Variants in RNF24 observed in about 807,000 individuals in gnomAD.
The protein encoded by RNF24 is ring finger protein 24.
RNF24 carries 14 observed loss-of-function variants against 20.0 expected under a neutral mutation model. The ratio of observed to expected loss-of-function variants is 0.70; its 90% CI spans 0.46 to 1.10. The LOEUF (loss-of-function observed/expected upper bound fraction) is 1.10. RNF24 is among the 50% of genes least tolerant of loss of function. RNF24 has a pLI of 0.00. For synonymous variants in RNF24, 45 were observed against 61.1 expected (o/e 0.74, Z 1.23); for missense variants, 124 against 177.6 (o/e 0.70, Z 1.71).
At position 3,931,484 on chromosome 20, in the gene RNF24, TTGTC is replaced by T. The variant is rs1304281349; in HGVS notation, c.*2575_*2578del. ...GGAGGATGTAAATTAAAAGGCCTGT[TTGTC>T]TGTACAGCAATGCAGATGCGCAGGC... On this transcript the variant is annotated 3_prime_UTR_variant, in exon 6 of 6. Transcript: ENST00000358395. 22 of 152,220 alleles carry T rather than the reference TTGTC, an allele frequency of 1.4e-4. No individual in the cohort carries two copies. The highest frequency in any genetic ancestry group is 5.1e-4 in the African/African-American group (21 of 41,450). The allele number at this position is 152,220 out of a possible 1,614,324, so 9.4% of individuals were successfully genotyped here.
chr20:3,951,540 T>C (rs1357283785), intron 2 of RNF24, among the ~76,000 whole-genome samples: 3 of 152,230 alleles, frequency 2.0e-5, no homozygotes, highest in Non-Finnish European at 4.4e-5. Flanking sequence ...GGTGGTTTTG[T>C]AGTTCTCTAA....
At chr20:3,973,476 C>G (rs1439297522) in intron 1 of RNF24, among the ~76,000 whole-genome samples, 2 of 115,710 alleles carry the variant, frequency 1.7e-5, no homozygotes, top group Admixed American at 2.2e-4. Flanking sequence ...ATCAGTAACA[C>G]TGACAAATCT....
At position 3,937,302 on chromosome 20, in the gene RNF24, T is replaced by A. The variant is rs138047280; in HGVS notation, c.229-2229A>T. ...CAAAAAGAGAAAAGCCTCAGATGAC[T>A]TCCTAGAAGCTCCCTAAGAGCCAAA... is the stretch of plus-strand genomic sequence containing the variant. On this transcript the variant is annotated intron_variant, in intron 4 of 5. Coordinates refer to ENST00000358395, the MANE Select transcript of RNF24 (RefSeq NM_001134337.3). Among the ~76,000 whole-genome samples, 282 of 152,308 alleles carry A rather than the reference T, an allele frequency of 1.9e-3. 2 individuals carry two copies. Among genetic ancestry groups the A allele is most frequent in the African/African-American group, 6.5e-3 (271 of 41,566 alleles).
At chr20:3,983,773 T>TATTAA (rs1568650308) in intron 1 of RNF24, among the ~76,000 whole-genome samples, 13 of 151,632 alleles carry the variant, frequency 8.6e-5, no homozygotes, top group Admixed American at 3.3e-4. Flanking sequence ...AAACCCTATC[T>TATTAA]CTATTAAAAA....
intron 4 of RNF24, among the ~76,000 whole-genome samples, chr20:3,938,844 T>G (rs1270949409): frequency 6.6e-6 from 1 of 152,004 alleles, no homozygotes; most frequent in Non-Finnish European, 1.5e-5. Context: ...TCTCAAGCAA[T>G]CCTCCAGCTC....
rs182147435 is a variant in RNF24 at position 3,986,884 on chromosome 20, C to T, written c.-7-22860G>A. Among the ~76,000 whole-genome samples the T allele has an allele frequency of 1.3e-4, 20 of 152,130 alleles. No homozygotes were observed. The South Asian group carries it at 1.7e-3, about 13-fold the overall frequency. Reference sequence around the variant, plus strand: ...CAGGATGGTCTTGATCTCCTGATCTCGTGATCCGCCCACCTTGGCCTTTTT... The same window carrying T: ...CAGGATGGTCTTGATCTCCTGATCTTGTGATCCGCCCACCTTGGCCTTTTT... On this transcript the variant is annotated intron_variant, in intron 1 of 5. Coordinates refer to ENST00000358395, the MANE Select transcript of RNF24 (RefSeq NM_001134337.3).
intron 1 of RNF24, among the ~76,000 whole-genome samples, chr20:4,003,130 C>T (rs761532019): frequency 5.3e-5 from 8 of 152,048 alleles, no homozygotes; most frequent in East Asian, 1.9e-4. Context: ...CCACGGCGCC[C>T]GGCTAATTTT....
At chr20:3,949,040 C>A (rs1415151997) in intron 2 of RNF24, among the ~76,000 whole-genome samples, 1 of 152,076 alleles carries the variant, frequency 6.6e-6, no homozygotes, top group African/African-American at 2.4e-5. Flanking sequence ...CATATATACT[C>A]ATTTCTGTTA....
chr20:3,982,103 G>GTCTCTCTCTCTCTCTTTCTC (rs370986202), intron 1 of RNF24, among the ~76,000 whole-genome samples: 1 of 137,024 alleles, frequency 7.3e-6, no homozygotes, highest in Non-Finnish European at 1.6e-5. Context: ...GTGAGACCTC[G>GTCTCTCTCTCTCTCTTTCTC]TCTCTCTCTC....
chr20:3,975,724 T>C (rs1209693462), intron 1 of RNF24, among the ~76,000 whole-genome samples: 3 of 152,156 alleles, frequency 2.0e-5, no homozygotes, highest in African/African-American at 7.2e-5. Context: ...GGTGTCTTTA[T>C]AAGAGGAAAA....
Position 3,934,398 on chromosome 20 carries a change from G to A in RNF24, c.309-197C>T, listed in dbSNP as rs1417206656. Among the ~76,000 whole-genome samples the A allele has an allele frequency of 6.6e-6, 1 of 152,082 alleles. No homozygotes were observed. The highest frequency in any genetic ancestry group is 6.5e-5 in the Admixed American group (1 of 15,268). On this transcript the variant is annotated intron_variant, in intron 5 of 5. Coordinates refer to ENST00000358395, the MANE Select transcript of RNF24 (RefSeq NM_001134337.3). This position sits in a 1 kb window ranked among gnomAD's most constrained non-coding sequence, Gnocchi z 4.0. ...GAGAAGGAGTGGGGAGAGGCCAAGG[G>A]GTCAGCAATCCCCTCTTCCTTCCAG... is the stretch of plus-strand genomic sequence containing the variant.
chr20:3,984,939 C>T (rs1979752005), intron 1 of RNF24, among the ~76,000 whole-genome samples: 1 of 152,062 alleles, frequency 6.6e-6, no homozygotes, highest in African/African-American at 2.4e-5. Flanking sequence ...AGTCTGTAGG[C>T]AAAAGTCTAT....
intron 2 of RNF24, among the ~76,000 whole-genome samples, chr20:3,957,295 C>CA (rs1568628522): frequency 6.6e-6 from 1 of 150,436 alleles, no homozygotes; most frequent in Non-Finnish European, 1.5e-5. Flanking sequence ...AAGACTGTCT[C>CA]AAAAAAAGAA....
chr20:3,987,590 G>T (rs1400692858), intron 1 of RNF24, among the ~76,000 whole-genome samples: 2 of 152,170 alleles, frequency 1.3e-5, no homozygotes, highest in Non-Finnish European at 2.9e-5. Context: ...AGACTCATTA[G>T]CTCCTGGTTC....
chr20:4,009,842 T>G (rs1228055219), intron 1 of RNF24, among the ~76,000 whole-genome samples: 1 of 151,368 alleles, frequency 6.6e-6, no homozygotes, highest in African/African-American at 2.4e-5. Context: ...AAAAAAAGGG[T>G]TTTTAATTTT....
chr20:3,950,724 A>G, intron 2 of RNF24, among the ~76,000 whole-genome samples: 1 of 152,258 alleles, frequency 6.6e-6, no homozygotes. Flanking sequence ...TCACATTTAT[A>G]TAACCATAGT....
intron 1 of RNF24, among the ~76,000 whole-genome samples, chr20:3,993,339 G>A (rs1980606655): frequency 1.3e-5 from 2 of 152,036 alleles, no homozygotes; most frequent in South Asian, 2.1e-4. Flanking sequence ...CCAGGCTGGA[G>A]TACAGTGGCC....
intron 2 of RNF24, among the ~76,000 whole-genome samples, chr20:3,962,061 C>T (rs1309072001): frequency 1.3e-5 from 2 of 152,140 alleles, no homozygotes; most frequent in Non-Finnish European, 2.9e-5. Flanking sequence ...ACAGTCTTAA[C>T]TCATTGTCTA....
At chr20:3,949,978 A>AGGGGTCCAAAC (rs112601333) in intron 2 of RNF24, among the ~76,000 whole-genome samples, 1 of 151,892 alleles carries the variant, frequency 6.6e-6, no homozygotes, top group East Asian at 1.9e-4. Context: ...GCTGTGAGGT[A>AGGGGTCCAAAC]GCTTTTTATC....
Sources: gnomAD v4.1 joint callset for allele counts (sites outside exome capture counted in the v4.1 genomes callset) on GRCh38, gnomAD v4.1.1 for gene constraint, Gnocchi (gnomAD v3.1) non-coding constraint, MANE v1.5 for transcripts, NCBI Gene and HGNC (gene_info 2026-07-23, HGNC 2026-07-21) for gene names.